The following ASTN1 variants were observed in gnomAD, a reference collection of about 807,000 sequenced individuals.
ASTN1 encodes astrotactin 1, also known as astrotactin-1.
A neutral mutation model predicts 140.7 loss-of-function variants in ASTN1; 41 were observed. The ratio of observed to expected loss-of-function variants is 0.29; its 90% CI spans 0.23 to 0.38. The LOEUF (loss-of-function observed/expected upper bound fraction) is 0.38. ASTN1 is among the 10% of genes least tolerant of loss of function. ASTN1 has a pLI of 1.00. For missense variants in ASTN1, 1,479 were observed against 1,678.8 expected (o/e 0.88, Z 2.08); for synonymous variants, 640 against 652.2 (o/e 0.98, Z 0.29).
chr1:177,125,557 C>T (rs868504714), intron 1 of ASTN1, among the ~76,000 whole-genome samples: 2 of 152,180 alleles, frequency 1.3e-5, no homozygotes, highest in Admixed American at 1.3e-4. Context: ...TCACACCTCC[C>T]TTGTGGGGAA....
intron 17 of ASTN1, among the ~76,000 whole-genome samples, chr1:176,891,910 G>A (rs1194078246): frequency 6.6e-6 from 1 of 152,222 alleles, no homozygotes; most frequent in African/African-American, 2.4e-5. Context: ...GGATACATGG[G>A]TTGGCCTAGG....
chr1:177,030,791 G>T lies in ASTN1; in HGVS notation c.1012+15C>A. The T allele has an allele frequency of 6.2e-7, 1 of 1,613,946 alleles. No homozygotes were observed. The highest frequency in any genetic ancestry group is 8.5e-7 in the Non-Finnish European group (1 of 1,179,844). On this transcript the variant is annotated intron_variant, in intron 4 of 22. Transcript: ENST00000361833. ...AAGGAATCCACCCACGAGCCCTAAT[G>T]TCAGACATGCATACCTCTTGCTTTG...
intron 8 of ASTN1, among the ~76,000 whole-genome samples, chr1:177,006,253 G>A (rs1166424682): frequency 6.6e-6 from 1 of 152,108 alleles, no homozygotes; most frequent in Non-Finnish European, 1.5e-5. Flanking sequence ...GTGATTATGA[G>A]AGAGAACAAA....
At chr1:177,083,995 G>C (rs2102083042) in intron 1 of ASTN1, among the ~76,000 whole-genome samples, 1 of 152,250 alleles carries the variant, frequency 6.6e-6, no homozygotes, top group Non-Finnish European at 1.5e-5. Flanking sequence ...CTCCCTTGCT[G>C]TCATTTAAGC....
intron 2 of ASTN1, among the ~76,000 whole-genome samples, chr1:177,050,476 CT>C (rs1677482304): frequency 6.6e-6 from 1 of 152,088 alleles, no homozygotes; most frequent in East Asian, 1.9e-4. Context: ...TTGACTCATC[CT>C]TTGCTATTCA....
At chr1:176,893,454 G>C (rs145314489) in intron 17 of ASTN1, among the ~76,000 whole-genome samples, 1 of 152,122 alleles carries the variant, frequency 6.6e-6, no homozygotes, top group Non-Finnish European at 1.5e-5. Flanking sequence ...GAAGACAAAC[G>C]TGTAGGCCAC....
intron 1 of ASTN1, among the ~76,000 whole-genome samples, chr1:177,090,999 A>T (rs940574322): frequency 6.6e-6 from 1 of 152,156 alleles, no homozygotes; most frequent in Non-Finnish European, 1.5e-5. Context: ...TGCATATGTG[A>T]GTCTGGTCCT....
At chr1:177,087,928 A>G (rs563779128) in intron 1 of ASTN1, among the ~76,000 whole-genome samples, 1 of 152,326 alleles carries the variant, frequency 6.6e-6, no homozygotes, top group South Asian at 2.1e-4. Flanking sequence ...AGGCTGCTTC[A>G]TTCAGGAGAT....
At chr1:177,124,636 A>G (rs1681559553) in intron 1 of ASTN1, among the ~76,000 whole-genome samples, 1 of 152,214 alleles carries the variant, frequency 6.6e-6, no homozygotes, top group African/African-American at 2.4e-5. Context: ...GCCCAGAGGA[A>G]CAAAGAAAAA....
Position 176,861,512 on chromosome 1 carries a change from A to G in ASTN1, c.*2772T>C. 1 of 985,882 alleles carries G rather than the reference A, an allele frequency of 1.0e-6. No homozygotes were observed. The highest frequency in any genetic ancestry group is 1.2e-6 in the Non-Finnish European group (1 of 829,960). The allele number at this position is 985,882 out of a possible 1,614,324, so 61.1% of individuals were successfully genotyped here. On this transcript the variant is annotated 3_prime_UTR_variant, in exon 23 of 23. Transcript: ENST00000361833. The stretch of plus-strand genomic sequence containing the variant: ...TAGCCAGGATGGGTTCCTTCAGGTA[A>G]GCATTAGGAAAAGTCAGCAGGTTGA...
chr1:177,042,704 C>T (rs2101996720), intron 2 of ASTN1, among the ~76,000 whole-genome samples: 1 of 152,282 alleles, frequency 6.6e-6, no homozygotes, highest in South Asian at 2.1e-4. Context: ...TAGAAAGTAA[C>T]TTATCCAAGT....
intron 11 of ASTN1, among the ~76,000 whole-genome samples, chr1:176,956,103 G>A (rs1488830514): frequency 6.6e-6 from 1 of 152,100 alleles, no homozygotes; most frequent in Non-Finnish European, 1.5e-5. Flanking sequence ...GTGGCACTGT[G>A]GGACATCAAC....
chr1:177,052,960 C>T (rs539963405), intron 2 of ASTN1, among the ~76,000 whole-genome samples: 18 of 152,280 alleles, frequency 1.2e-4, no homozygotes, highest in African/African-American at 4.3e-4. Context: ...CTATAATTTA[C>T]TTTCTCTCAG....
intron 16 of ASTN1, among the ~76,000 whole-genome samples, chr1:176,896,927 G>T (rs898739042): frequency 8.6e-5 from 13 of 152,032 alleles, no homozygotes; most frequent in African/African-American, 2.9e-4. Context: ...ATGGAAAAGG[G>T]CTCAAGCATT....
chr1:176,929,245 A>T (rs748725639), intron 16 of ASTN1, among the ~76,000 whole-genome samples: 1 of 152,184 alleles, frequency 6.6e-6, no homozygotes, highest in Non-Finnish European at 1.5e-5. Flanking sequence ...ATGTGATTGA[A>T]TTAAAGTTCT....
At chr1:176,895,868 A>G (rs1190064859) in intron 16 of ASTN1, among the ~76,000 whole-genome samples, 3 of 152,324 alleles carry the variant, frequency 2.0e-5, no homozygotes, top group Middle Eastern at 3.4e-3. Context: ...TTCTTTTTGC[A>G]CAGTTGTAGT....
intron 8 of ASTN1, among the ~76,000 whole-genome samples, chr1:177,004,003 G>A (rs771268604): frequency 6.6e-6 from 1 of 151,938 alleles, no homozygotes; most frequent in African/African-American, 2.4e-5. Context: ...GAAAAAAAGG[G>A]CATCCAAATT....
At chr1:177,109,284 A>G (rs1347112035) in intron 1 of ASTN1, among the ~76,000 whole-genome samples, 1 of 152,200 alleles carries the variant, frequency 6.6e-6, no homozygotes, top group Non-Finnish European at 1.5e-5. Flanking sequence ...ATTTGTTCAA[A>G]GAATAGAAGA....
chr1:177,056,033 G>A (rs1194964176), intron 2 of ASTN1, among the ~76,000 whole-genome samples: 1 of 152,172 alleles, frequency 6.6e-6, no homozygotes, highest in Non-Finnish European at 1.5e-5. Context: ...TATGAAATGA[G>A]GCACGGCTTC....
Sources: gnomAD v4.1 joint callset for allele counts (sites outside exome capture counted in the v4.1 genomes callset) on GRCh38, gnomAD v4.1.1 for gene constraint, MANE v1.5 for transcripts, NCBI Gene and HGNC (gene_info 2026-07-23, HGNC 2026-07-21) for gene names.